Variants in RTTN observed in about 807,000 individuals in gnomAD.
The protein encoded by RTTN is rotatin.
Under a neutral mutation model 269.2 loss-of-function variants are expected in RTTN, and 182 were observed. The observed-to-expected ratio is 0.68, with a 90% CI of 0.60 to 0.76. RTTN has a LOEUF of 0.76. RTTN is among the 30% of genes least tolerant of loss of function. The pLI is 0.00. For missense variants in RTTN, 2,545 were observed against 2,608.6 expected (o/e 0.98, Z 0.53); for synonymous variants, 1,006 against 963.5 (o/e 1.04, Z -0.82).
chr18:70,123,388 A>G (rs933471990), intron 25 of RTTN, among the ~76,000 whole-genome samples: 1 of 152,028 alleles, frequency 6.6e-6, no homozygotes, highest in African/African-American at 2.4e-5. Flanking sequence ...AACATATATT[A>G]TTATTAACTA....
At position 70,114,509 on chromosome 18, in the gene RTTN, G is replaced by T. The variant is rs763309973; in HGVS notation, c.3619C>A (p.Leu1207Ile). 1 of 1,613,676 alleles carries T rather than the reference G, an allele frequency of 6.2e-7. No homozygotes were observed. Among genetic ancestry groups the T allele is most frequent in the Non-Finnish European group, 8.5e-7 (1 of 1,179,648 alleles). Residue 1207 changes from leucine to isoleucine, a missense_variant, in exon 27 of 49, where the codon CTT (leucine) becomes ATT (isoleucine). Physicochemically the swap from Leu to Ile is conservative, Grantham distance 5 (BLOSUM62 2). Transcript: ENST00000640769. ...DDIRTAVRQQ[L>I]QKELIALFDT... Reference sequence around the variant, plus strand: ...AAAAGAGCAATCAGTTCTTTCTGAAGTTGTTGCCTGACAGCAGTCCGGATA... The same window carrying T: ...AAAAGAGCAATCAGTTCTTTCTGAATTTGTTGCCTGACAGCAGTCCGGATA...
chr18:70,202,446 C>T (rs2061976877), intron 3 of RTTN, among the ~76,000 whole-genome samples: 2 of 152,172 alleles, frequency 1.3e-5, no homozygotes, highest in Admixed American at 1.3e-4. Flanking sequence ...TTCAGCAGTT[C>T]AGCTGCAATG....
intron 40 of RTTN, among the ~76,000 whole-genome samples, chr18:70,038,159 C>T (rs1189475597): frequency 6.6e-6 from 1 of 152,216 alleles, no homozygotes; most frequent in Non-Finnish European, 1.5e-5. Flanking sequence ...GATAGCATCT[C>T]TGGACCTGCT....
intron 15 of RTTN, 38 bp downstream of exon 15, chr18:70,150,570 A>G (rs184008781): frequency 6.3e-7 from 1 of 1,593,566 alleles, no homozygotes; most frequent in East Asian, 2.2e-5. Context: ...TGAGTATCTA[A>G]GTTACTGTAA....
At chr18:70,105,529 C>T (rs1215011026) in intron 28 of RTTN, among the ~76,000 whole-genome samples, 4 of 152,180 alleles carry the variant, frequency 2.6e-5, no homozygotes, top group African/African-American at 4.8e-5. Flanking sequence ...GAGATGAACC[C>T]GGTACCTCAG....
rs2061813454 is a variant in RTTN at position 70,196,589 on chromosome 18, C to T, written c.753G>A (p.Gln251=). 5 of 1,586,506 alleles carry T rather than the reference C, an allele frequency of 3.2e-6. No homozygotes were observed. The highest frequency in any genetic ancestry group is 4.3e-6 in the Non-Finnish European group (5 of 1,170,830). The part of the protein sequence containing the change: ...FGDGKHRLAL[Q]SVSCLQQLCM... ...ACAGCTGCTGCAGGCAGGACACCGA[C>T]TGTAATGCCAGGCGATGCTTTCCAT... is the stretch of plus-strand genomic sequence containing the variant. The change falls in exon 7 of 49, where the codon CAG becomes CAA. Residue 251 remains glutamine, a synonymous_variant. Transcript: ENST00000640769.
intron 40 of RTTN, among the ~76,000 whole-genome samples, chr18:70,039,681 GTGT>G (rs1411080915): frequency 6.6e-6 from 1 of 152,100 alleles, no homozygotes; most frequent in African/African-American, 2.4e-5. Context: ...CACTGTAATG[GTGT>G]TGTGTAAACT....
intron 30 of RTTN, 108 bp from the exon 31 acceptor site, chr18:70,088,255 T>C: frequency 3.0e-6 from 3 of 1,005,034 alleles, no homozygotes; most frequent in Non-Finnish European, 4.2e-6. Context: ...ATCCATTGGT[T>C]TTATGATCCT....
intron 40 of RTTN, among the ~76,000 whole-genome samples, chr18:70,045,574 T>G (rs2144755486): frequency 6.6e-6 from 1 of 152,358 alleles, no homozygotes; most frequent in Admixed American, 6.5e-5. Flanking sequence ...TAATAATATT[T>G]TAATTCACAT....
At chr18:70,088,555 A>G (rs1165848992) in intron 30 of RTTN, among the ~76,000 whole-genome samples, 2 of 152,168 alleles carry the variant, frequency 1.3e-5, no homozygotes, top group Non-Finnish European at 2.9e-5. Flanking sequence ...CTTTCTTAAA[A>G]CTTCTAAACA....
intron 27 of RTTN, among the ~76,000 whole-genome samples, chr18:70,112,719 G>C (rs1443774016): frequency 6.6e-6 from 1 of 152,102 alleles, no homozygotes; most frequent in East Asian, 1.9e-4. Context: ...ATAACAGTGG[G>C]AGATTTTAAC....
Position 70,097,423 on chromosome 18 carries a change from C to T in RTTN, c.3904-4619G>A, listed in dbSNP as rs576436065. ...AAGATGAATTTAGTCATTAGTAGTA[C>T]AACAGGGATACCTGTTTATGTAATT... is the stretch of plus-strand genomic sequence containing the variant. On this transcript the variant is annotated intron_variant, in intron 28 of 48. Coordinates refer to ENST00000640769, the MANE Select transcript of RTTN (RefSeq NM_173630.4). Among the ~76,000 whole-genome samples, 8 of 152,324 alleles carry T rather than the reference C, an allele frequency of 5.3e-5. No homozygotes were observed. In the South Asian group the frequency reaches 1.0e-3, roughly 20 times the overall value.
intron 34 of RTTN, among the ~76,000 whole-genome samples, chr18:70,073,099 C>T (rs565959962): frequency 6.6e-6 from 1 of 152,104 alleles, no homozygotes; most frequent in Non-Finnish European, 1.5e-5. Flanking sequence ...TTCCTGGAAA[C>T]AGGTGTATCA....
At chr18:70,180,155 A>T (rs534552675) in intron 10 of RTTN, among the ~76,000 whole-genome samples, 211 of 152,230 alleles carry the variant, frequency 1.4e-3, no homozygotes, top group African/African-American at 4.9e-3. Context: ...TTGCTTGGCC[A>T]AATCCTACCT....
chr18:70,046,640 T>A (rs915907700), intron 40 of RTTN, among the ~76,000 whole-genome samples: 2 of 152,148 alleles, frequency 1.3e-5, no homozygotes, highest in Non-Finnish European at 2.9e-5. Context: ...TGTTTTCAAC[T>A]AAGAAAATTT....
At chr18:70,035,753 A>G (rs897228857) in intron 40 of RTTN, among the ~76,000 whole-genome samples, 2 of 152,228 alleles carry the variant, frequency 1.3e-5, no homozygotes, top group Non-Finnish European at 2.9e-5. Flanking sequence ...AAAAGAAACT[A>G]TCAACAGAGT....
chr18:70,142,348 C>T lies in RTTN; in HGVS notation c.2521G>A (p.Asp841Asn). Residue 841 changes from aspartate (D) to asparagine (N), a missense_variant, in exon 19 of 49, where the codon GAT (aspartate) becomes AAT (asparagine). Coordinates refer to ENST00000640769, the MANE Select transcript of RTTN (RefSeq NM_173630.4). ...TTTCTCAAAACGAGATCAACATCAT[C>T]TGAGGTGAAGATTTCATATACCTTT... ...VEKVYEIFTS[D>N]DVDLVLRKSA... The T allele has an allele frequency of 6.2e-7, 1 of 1,606,088 alleles. No homozygotes were observed. The highest frequency in any genetic ancestry group is 8.5e-7 in the Non-Finnish European group (1 of 1,176,880).
At chr18:70,198,328 T>A (rs1367353119) in intron 5 of RTTN, among the ~76,000 whole-genome samples, 1 of 152,172 alleles carries the variant, frequency 6.6e-6, no homozygotes, top group African/African-American at 2.4e-5. Flanking sequence ...ATTCACTATC[T>A]ACAGGCATGC....
At chr18:70,037,582 A>T (rs2057213511) in intron 40 of RTTN, among the ~76,000 whole-genome samples, 1 of 152,186 alleles carries the variant, frequency 6.6e-6, no homozygotes, top group South Asian at 2.1e-4. Context: ...CTGACTAAAG[A>T]GCCCTCAGGC....
Sources: allele counts gnomAD v4.1 joint callset (sites outside exome capture counted in the v4.1 genomes callset), GRCh38; gene constraint gnomAD v4.1.1; transcripts MANE v1.5; gene names NCBI Gene and HGNC (gene_info 2026-07-23, HGNC 2026-07-21).